The following HHAT variants were observed in gnomAD, a reference collection of about 807,000 sequenced individuals.
The protein encoded by HHAT is protein-cysteine N-palmitoyltransferase HHAT.
In HHAT, 47 loss-of-function variants were observed where a neutral mutation model predicts 70.8. The observed-to-expected ratio is 0.66, with a 90% confidence interval of 0.53 to 0.85. The LOEUF is 0.85. HHAT is among the 40% of genes least tolerant of loss of function. The pLI is 0.00. For missense variants in HHAT, 609 were observed against 604.8 expected (o/e 1.01, Z -0.07); for synonymous variants, 228 against 247.6 (o/e 0.92, Z 0.74).
At chr1:210,667,198 C>G (rs1165374569) in intron 11 of HHAT, among the ~76,000 whole-genome samples, 1 of 151,972 alleles carries the variant, frequency 6.6e-6, no homozygotes, top group African/African-American at 2.4e-5. Flanking sequence ...GCCTGACCAA[C>G]AAGGAGAAAC....
intron 3 of HHAT, among the ~76,000 whole-genome samples, chr1:210,366,029 C>G (rs1042784539): frequency 6.6e-6 from 1 of 152,090 alleles, no homozygotes; most frequent in Non-Finnish European, 1.5e-5. Flanking sequence ...CTCCTAGGCT[C>G]AAACGATCCT....
At chr1:210,492,913 T>C (rs767957582) in intron 8 of HHAT, among the ~76,000 whole-genome samples, 2 of 152,150 alleles carry the variant, frequency 1.3e-5, no homozygotes, top group East Asian at 1.9e-4. Context: ...AAATGTCTTA[T>C]CAGCCTTTCG....
rs904850289 is a variant in HHAT at position 210,648,465 on chromosome 1, G to A, written c.1390+24795G>A. 3.9e-5 allele frequency among the ~76,000 whole-genome samples: 6 copies of A among 152,316 alleles called. 1 individual carries two copies. The South Asian group carries it at 6.2e-4, about 16-fold the overall frequency. On this transcript the variant is annotated intron_variant, in intron 11 of 11. Transcript: ENST00000261458. ...CAGCAGTGTACTTGGTGAGGACAGT[G>A]ATGGAGACAAGGTTCTTTCCGTCTT...
At chr1:210,468,315 C>T (rs1321033350) in intron 8 of HHAT, among the ~76,000 whole-genome samples, 3 of 152,172 alleles carry the variant, frequency 2.0e-5, no homozygotes, top group Admixed American at 6.5e-5. Context: ...ATCCTATTTT[C>T]GTGATTTGAT....
At chr1:210,509,548 C>T (rs1209343507) in intron 8 of HHAT, among the ~76,000 whole-genome samples, 1 of 152,202 alleles carries the variant, frequency 6.6e-6, no homozygotes, top group Non-Finnish European at 1.5e-5. Context: ...CTGTTTCTTC[C>T]TCTGTGGTGC....
At chr1:210,602,329 C>T (rs1664463278) in intron 10 of HHAT, among the ~76,000 whole-genome samples, 1 of 152,074 alleles carries the variant, frequency 6.6e-6, no homozygotes, top group South Asian at 2.1e-4. Flanking sequence ...ACAGAGGCCC[C>T]TGATGTTCAT....
chr1:210,481,025 C>T (rs979726484), intron 8 of HHAT, among the ~76,000 whole-genome samples: 1 of 152,116 alleles, frequency 6.6e-6, no homozygotes, highest in Non-Finnish European at 1.5e-5. Flanking sequence ...ATAGCTTACT[C>T]TCCAGCTGGT....
chr1:210,439,342 C>T (rs530046580), intron 7 of HHAT, among the ~76,000 whole-genome samples: 1 of 151,890 alleles, frequency 6.6e-6, no homozygotes, highest in Non-Finnish European at 1.5e-5. Flanking sequence ...TTTATTACTT[C>T]CTCTCTTGAC....
intron 5 of HHAT, among the ~76,000 whole-genome samples, chr1:210,403,502 C>T (rs1246064473): frequency 1.3e-5 from 2 of 152,148 alleles, no homozygotes; most frequent in Non-Finnish European, 2.9e-5. Flanking sequence ...AGCTGGGTTT[C>T]CATGCTTTTG....
intron 7 of HHAT, among the ~76,000 whole-genome samples, chr1:210,457,329 A>G (rs1406595161): frequency 6.6e-6 from 1 of 152,162 alleles, no homozygotes; most frequent in African/African-American, 2.4e-5. Context: ...ATATGAGAAA[A>G]AACTTATTAA....
At chr1:210,334,077 A>T (rs894329576) in intron 1 of HHAT, among the ~76,000 whole-genome samples, 6 of 151,094 alleles carry the variant, frequency 4.0e-5, no homozygotes, top group Non-Finnish European at 7.4e-5. Context: ...AATTCTCTCT[A>T]TGGACACCTT....
intron 8 of HHAT, among the ~76,000 whole-genome samples, chr1:210,467,856 CTACT>C (rs1314858131): frequency 6.6e-6 from 1 of 152,102 alleles, no homozygotes. Flanking sequence ...ATCTTTCAGC[CTACT>C]TAGCATTGAG....
chr1:210,541,029 C>G (rs528367434), intron 9 of HHAT, among the ~76,000 whole-genome samples: 1 of 152,076 alleles, frequency 6.6e-6, no homozygotes, highest in South Asian at 2.1e-4. Flanking sequence ...TTAGTAGAGA[C>G]GAGGTTTCAC....
chr1:210,546,695 A>C (rs1355386256), intron 9 of HHAT, among the ~76,000 whole-genome samples: 2 of 152,148 alleles, frequency 1.3e-5, no homozygotes, highest in Non-Finnish European at 1.5e-5. Context: ...AGCGTATGGC[A>C]GCTGGTGGTG....
In HHAT at chr1:210,616,006, C is replaced by A. The variant is rs192406349; in HGVS notation, c.1246-7520C>A. 3.9e-5 allele frequency among the ~76,000 whole-genome samples: 6 copies of A among 152,324 alleles called. No homozygotes were observed. In the South Asian group the frequency reaches 8.3e-4, roughly 21 times the overall value. On this transcript the variant is annotated intron_variant, in intron 10 of 11. Coordinates refer to ENST00000261458, the MANE Select transcript of HHAT (RefSeq NM_018194.6). ...AATCACCCATCTTCTGCTATACTCA[C>A]GCTGGGAGCTGTAGACTGGAGCTGT...
intron 11 of HHAT, among the ~76,000 whole-genome samples, chr1:210,655,344 C>G (rs956202159): frequency 1.3e-5 from 2 of 152,218 alleles, no homozygotes; most frequent in East Asian, 3.9e-4. Context: ...CTCCTCTGAT[C>G]CATGTCAATG....
chr1:210,463,356 G>C (rs1473084408), intron 7 of HHAT, among the ~76,000 whole-genome samples: 1 of 152,038 alleles, frequency 6.6e-6, no homozygotes, highest in Non-Finnish European at 1.5e-5. Context: ...AGTCTACTTT[G>C]TCTCTATAGA....
At chr1:210,582,818 G>A (rs1659573150) in intron 9 of HHAT, among the ~76,000 whole-genome samples, 1 of 152,190 alleles carries the variant, frequency 6.6e-6, no homozygotes, top group Non-Finnish European at 1.5e-5. Context: ...TTCAAAAGCG[G>A]AAGTTATACC....
At chr1:210,638,732 A>G in intron 11 of HHAT, among the ~76,000 whole-genome samples, 1 of 151,232 alleles carries the variant, frequency 6.6e-6, no homozygotes, top group South Asian at 2.1e-4. Flanking sequence ...CAAAAAAAAA[A>G]AAAAAAAAAA....
Sources: gnomAD v4.1 joint callset for allele counts (sites outside exome capture counted in the v4.1 genomes callset) on GRCh38, gnomAD v4.1.1 for gene constraint, MANE v1.5 for transcripts, NCBI Gene and HGNC (gene_info 2026-07-23, HGNC 2026-07-21) for gene names.